Variants in HOOK3 observed in about 807,000 individuals in gnomAD.
The protein encoded by HOOK3 is hook microtubule tethering protein 3.
A neutral mutation model predicts 116.3 loss-of-function variants in HOOK3; 24 were observed. That is an observed-to-expected ratio of 0.21 (90% CI 0.15 to 0.29). The LOEUF is 0.29. Among genes scored for constraint, HOOK3 ranks in the 10% least tolerant of loss-of-function variants. The probability of loss-of-function intolerance (pLI) is 1.00; values close to 1 mark genes in which losing one functional copy is unlikely to be tolerated. For synonymous variants in HOOK3, 275 were observed against 283.0 expected, an observed-to-expected ratio of 0.97 and a Z score of 0.28; for missense variants, 632 against 830.2, an observed-to-expected ratio of 0.76 and a Z score of 2.93.
chr8:42,897,083 C>A lies in HOOK3; in HGVS notation c.-49C>A. ...GCCCCCGGATCCCCCGACAGAGCGG[C>A]GGCGGTGTCTGGCCAGGCGGTAGGC... On this transcript the variant is annotated 5_prime_UTR_variant, in exon 1 of 22. Coordinates refer to ENST00000307602, the MANE Select transcript of HOOK3 (RefSeq NM_032410.4). 8.1e-7 allele frequency: 1 copy of A among 1,227,158 alleles called. No individual in the cohort carries two copies. Among genetic ancestry groups the A allele is most frequent in the Non-Finnish European group, 1.0e-6 (1 of 977,062 alleles). The allele number at this position is 1,227,158 out of a possible 1,614,324, so 76.0% of individuals were successfully genotyped here.
At chr8:42,913,673 A>G (rs886425503) in intron 2 of HOOK3, among the ~76,000 whole-genome samples, 2 of 152,194 alleles carry the variant, frequency 1.3e-5, no homozygotes, top group Non-Finnish European at 2.9e-5. Flanking sequence ...TGGTAGGTCT[A>G]TGCTTAATAT....
intron 4 of HOOK3, among the ~76,000 whole-genome samples, chr8:42,938,838 G>T (rs1368965338): frequency 6.6e-6 from 1 of 152,056 alleles, no homozygotes; most frequent in Non-Finnish European, 1.5e-5. Flanking sequence ...AAGGTCTCTG[G>T]TTTTCCTAGG....
intron 11 of HOOK3, 97 bp downstream of exon 11, chr8:42,968,311 GT>G: frequency 2.4e-6 from 2 of 825,442 alleles, no homozygotes; most frequent in Non-Finnish European, 3.9e-6. Flanking sequence ...ATGGTATTCT[GT>G]TTTTTACCTT....
rs562682200 is a variant in HOOK3 at position 42,952,757 on chromosome 8, T to A, written c.468+2302T>A. On this transcript the variant is annotated intron_variant, in intron 6 of 21. Transcript: ENST00000307602. The stretch of plus-strand genomic sequence containing the variant: ...TGGCAGGAATGCAAACTGGTATATC[T>A]TTTAAAAATGTTATCCCCTTTTATA... Among the ~76,000 whole-genome samples, 4 of 152,354 alleles carry A rather than the reference T, an allele frequency of 2.6e-5. No individual in the cohort carries two copies. In the South Asian group the frequency reaches 8.3e-4, roughly 32 times the overall value.
intron 2 of HOOK3, among the ~76,000 whole-genome samples, chr8:42,909,773 A>T (rs2130329456): frequency 6.6e-6 from 1 of 152,256 alleles, no homozygotes; most frequent in African/African-American, 2.4e-5. Flanking sequence ...GTCCCCAAAG[A>T]AGGAAATTCT....
intron 17 of HOOK3, among the ~76,000 whole-genome samples, chr8:43,005,783 G>C (rs1013758064): frequency 1.3e-5 from 2 of 151,526 alleles, no homozygotes; most frequent in Non-Finnish European, 2.9e-5. Context: ...TTCAACCTCT[G>C]CCTCCCGGGT....
At chr8:42,934,141 C>G (rs1017726074) in intron 4 of HOOK3, among the ~76,000 whole-genome samples, 1 of 151,870 alleles carries the variant, frequency 6.6e-6, no homozygotes, top group Non-Finnish European at 1.5e-5. Context: ...ATTGAACCGC[C>G]TGGGTTAATC....
intron 17 of HOOK3, among the ~76,000 whole-genome samples, chr8:43,005,719 C>T (rs1296676774): frequency 6.6e-5 from 10 of 151,570 alleles, no homozygotes; most frequent in East Asian, 1.9e-4. Flanking sequence ...TATTTTGAGA[C>T]GGAGTTTCAC....
At position 43,026,779 on chromosome 8, in the gene HOOK3, G is replaced by A; in HGVS notation, c.*8281G>A. ...GTCGGAGGATCAGGAAAATGGTGGG[G>A]AAGAGGTGACTGGAAAGGCAGGCAC... On this transcript the variant is annotated 3_prime_UTR_variant, in exon 22 of 22. Transcript: ENST00000307602. 1 of 228,054 alleles carries A rather than the reference G, an allele frequency of 4.4e-6. No individual in the cohort carries two copies. The highest frequency in any genetic ancestry group is 8.7e-6 in the Non-Finnish European group (1 of 114,696). 14.1% of individuals were successfully genotyped at this position (228,054 alleles called of 1,614,324 possible).
At chr8:42,983,027 T>C (rs1397261758) in intron 14 of HOOK3, among the ~76,000 whole-genome samples, 2 of 152,160 alleles carry the variant, frequency 1.3e-5, no homozygotes, top group Non-Finnish European at 2.9e-5. Context: ...GCAAAATTAT[T>C]AGTTATTAAG....
chr8:42,992,651 G>A (rs1809187974), intron 15 of HOOK3, among the ~76,000 whole-genome samples: 1 of 148,624 alleles, frequency 6.7e-6, no homozygotes, highest in Admixed American at 6.7e-5. Flanking sequence ...AGGAGGTGGA[G>A]GTTGTAGTGA....
At chr8:42,917,625 T>C (rs1271845124) in intron 2 of HOOK3, among the ~76,000 whole-genome samples, 1 of 152,192 alleles carries the variant, frequency 6.6e-6, no homozygotes. Flanking sequence ...TTTTTTATTA[T>C]AACACAACCA....
chr8:43,014,349 T>C (rs1370440986), intron 21 of HOOK3, among the ~76,000 whole-genome samples: 1 of 151,314 alleles, frequency 6.6e-6, no homozygotes, highest in African/African-American at 2.4e-5. Context: ...CATTTATTTA[T>C]TTATTTATTT....
intron 3 of HOOK3, among the ~76,000 whole-genome samples, chr8:42,928,450 C>CA (rs1299872017): frequency 5.8e-4 from 77 of 131,932 alleles, no homozygotes; most frequent in Middle Eastern, 3.9e-3. Context: ...GACTCAGTCT[C>CA]AAAAAAAAAA....
intron 19 of HOOK3, 91 bp from the exon 20 acceptor site, chr8:43,012,960 T>G (rs1281513906): frequency 1.2e-6 from 1 of 822,280 alleles, no homozygotes; most frequent in East Asian, 2.8e-5. Flanking sequence ...AAGTTTATCC[T>G]TTTATTTTAA....
At position 42,941,234 on chromosome 8, in the gene HOOK3, G is replaced by A. The variant is rs527676529; in HGVS notation, c.268-2079G>A. ...AGTGCTGGGATTAAAGGCATGAGCC[G>A]GCTGGGCGCAGTGGCTCACACCTGT... is the stretch of plus-strand genomic sequence containing the variant. On this transcript the variant is annotated intron_variant, in intron 4 of 21. Transcript: ENST00000307602. Among the ~76,000 whole-genome samples, 25 of 149,632 alleles carry A rather than the reference G, an allele frequency of 1.7e-4. No homozygotes were observed. In the East Asian group the frequency reaches 2.6e-3, roughly 16 times the overall value.
rs756183176 is a variant in HOOK3, at chr8:42,906,252, A to G, written c.137A>G (p.Gln46Arg). The stretch of plus-strand genomic sequence containing the variant: ...GGGGTTGTGATGGCCCAGGTTCTTC[A>G]AAAGATGTAAGAATAAATTGCTTAT... ...TNGVVMAQVL[Q>R]KIDPAYFDEN... Residue 46 changes from glutamine (Q) to arginine (R), a missense_variant, in exon 2 of 22, where the codon CAA (glutamine) becomes CGA (arginine). By Grantham distance (43) the Gln-to-Arg change is conservative. Coordinates refer to ENST00000307602, the MANE Select transcript of HOOK3 (RefSeq NM_032410.4). 2 of 1,591,504 alleles carry G rather than the reference A, an allele frequency of 1.3e-6. No individual in the cohort carries two copies. The highest frequency in any genetic ancestry group is 4.5e-5 in the East Asian group (2 of 43,970).
rs1408603265 is a variant in HOOK3 at position 42,923,104 on chromosome 8, G to GA, written c.144-2451dup. Among the ~76,000 whole-genome samples, 9 of 152,154 alleles carry GA rather than the reference G, an allele frequency of 5.9e-5. 1 individual carries two copies. The highest frequency in any genetic ancestry group is 2.2e-4 in the African/African-American group (9 of 41,438). The stretch of plus-strand genomic sequence containing the variant: ...TATACAATGGCCAATAAGCACATGT[G>GA]AAGATGCTCAGCATCATTAGCCATT... On this transcript the variant is annotated intron_variant, in intron 2 of 21. Transcript: ENST00000307602.
chr8:43,008,650 TA>T (rs1460652245), intron 18 of HOOK3, among the ~76,000 whole-genome samples: 1 of 148,704 alleles, frequency 6.7e-6, no homozygotes, highest in African/African-American at 2.4e-5. Flanking sequence ...TTTTTATTTT[TA>T]TTTTTATTTT....
Sources: gnomAD v4.1 joint callset for allele counts (sites outside exome capture counted in the v4.1 genomes callset) on GRCh38, gnomAD v4.1.1 for gene constraint, MANE v1.5 for transcripts, NCBI Gene and HGNC (gene_info 2026-07-23, HGNC 2026-07-21) for gene names.